The following NUP188 variants were observed in gnomAD, a reference collection of about 807,000 sequenced individuals.
The protein encoded by NUP188 is nucleoporin NUP188.
In NUP188, 97 loss-of-function variants were observed where a neutral mutation model predicts 223.0. The observed-to-expected ratio is 0.43, with a 90% CI of 0.37 to 0.51. The LOEUF (loss-of-function observed/expected upper bound fraction) is 0.51, where lower values mean the gene tolerates loss of function less well. Ranked by LOEUF, NUP188 falls within the 20% of genes least tolerant of loss-of-function variation. NUP188 has a pLI of 0.00. For synonymous variants in NUP188, 869 were observed against 828.0 expected, an observed-to-expected ratio of 1.05 and a Z score of -0.85; for missense variants, 1,947 against 2,175.6, an observed-to-expected ratio of 0.89 and a Z score of 2.09.
At chr9:128,964,648 C>T (rs1842002861) in intron 8 of NUP188, among the ~76,000 whole-genome samples, 1 of 150,982 alleles carries the variant, frequency 6.6e-6, no homozygotes, top group Non-Finnish European at 1.5e-5. Flanking sequence ...GCTGGGATGA[C>T]AGGCATGAGC....
Position 128,988,753 on chromosome 9 carries a change from G to C in NUP188, c.2533+567G>C, listed in dbSNP as rs529358911. ...TTTTTTTTTTTTTTTTTTTGAGACA[G>C]TCTAGCTCTGTTGCCCAGGCTGGAG... On this transcript the variant is annotated intron_variant, in intron 24 of 43. Transcript: ENST00000372577. Among the ~76,000 whole-genome samples, 68 of 93,742 alleles carry C rather than the reference G, an allele frequency of 7.3e-4. 1 individual carries two copies. In the Admixed American group the frequency reaches 0.011, roughly 15 times the overall value. 61.5% of individuals were successfully genotyped at this position (93,742 alleles called of 152,430 possible).
At chr9:128,951,368 ACTCAGGAGGCTGTGGT>A (rs1841782837) in intron 2 of NUP188, among the ~76,000 whole-genome samples, 1 of 150,548 alleles carries the variant, frequency 6.6e-6, no homozygotes, top group South Asian at 2.1e-4. Flanking sequence ...AGTTCCAGCT[ACTCAGGAGGCTGTGGT>A]GGAAAGATCG....
In NUP188 at chr9:128,981,182, G is replaced by A. The variant is rs976984322; in HGVS notation, c.1390-82G>A. Reference sequence around the variant, plus strand: ...TGGTGGGCTTGCAAGAAGTTTGAGAGTCTGGTTGAAAGAGCAGACTGTGGG... The same window carrying A: ...TGGTGGGCTTGCAAGAAGTTTGAGAATCTGGTTGAAAGAGCAGACTGTGGG... On this transcript the variant is annotated intron_variant, in intron 14 of 43. Coordinates refer to ENST00000372577, the MANE Select transcript of NUP188 (RefSeq NM_015354.3). 3.3e-6 allele frequency: 5 copies of A among 1,523,590 alleles called. No homozygotes were observed. The Admixed American group carries it at 6.0e-5, about 18-fold the overall frequency. 94.4% of individuals were successfully genotyped at this position (1,523,590 alleles called of 1,614,324 possible). A position where few individuals can be genotyped will look rare whatever the true frequency, so the allele number is the denominator to read the frequency against.
rs986405014 is a variant in NUP188, at chr9:128,994,230, A to G, written c.3018-143A>G. ...TTTTATCTATGGAAACCTTTCATTTATACGGGAACAACTGACTTATCAGAC... is the reference window on the plus strand; with the variant it reads ...TTTTATCTATGGAAACCTTTCATTTGTACGGGAACAACTGACTTATCAGAC... On this transcript the variant is annotated intron_variant, in intron 27 of 43. Transcript: ENST00000372577. 3 of 651,304 alleles carry G rather than the reference A, an allele frequency of 4.6e-6. No homozygotes were observed. In the Admixed American group the frequency reaches 7.9e-5, roughly 17 times the overall value. The allele number at this position is 651,304 out of a possible 1,614,324, so 40.3% of individuals were successfully genotyped here. A position where few individuals can be genotyped will look rare whatever the true frequency, so the allele number is the denominator to read the frequency against.
At chr9:128,970,233 A>T (rs1183602626) in intron 10 of NUP188, among the ~76,000 whole-genome samples, 1 of 152,146 alleles carries the variant, frequency 6.6e-6, no homozygotes, top group African/African-American at 2.4e-5. Context: ...CGGCCTCTAC[A>T]ATGTTAAACA....
intron 22 of NUP188, 76 bp downstream of exon 22, chr9:128,986,951 A>T (rs1295662398): frequency 7.6e-7 from 1 of 1,321,426 alleles, no homozygotes; most frequent in Non-Finnish European, 1.1e-6. Context: ...AAGCCGTCTC[A>T]GTTCTTCCAG....
intron 12 of NUP188, among the ~76,000 whole-genome samples, chr9:128,974,978 C>T (rs1246486619): frequency 1.3e-5 from 2 of 151,774 alleles, no homozygotes; most frequent in African/African-American, 4.8e-5. Context: ...CCAGGCTGGT[C>T]CCGAACTCCT....
chr9:128,987,131 G>A (rs975317784), intron 22 of NUP188, among the ~76,000 whole-genome samples: 3 of 142,362 alleles, frequency 2.1e-5, no homozygotes, highest in South Asian at 2.3e-4. Context: ...GTGTGTGTGT[G>A]TATGTGTATA....
chr9:128,984,886 A>C lies in NUP188; in HGVS notation c.1962-14A>C. 6.4e-7 allele frequency: 1 copy of C among 1,555,066 alleles called. No individual in the cohort carries two copies. The highest frequency in any genetic ancestry group is 8.8e-7 in the Non-Finnish European group (1 of 1,142,108). ...TTTCCCTATCATTTTTTTTCCCTCT[A>C]CTTCTTTTTCCAGTGCGGAAGGGAT... is the stretch of plus-strand genomic sequence containing the variant. On this transcript the variant is annotated splice_polypyrimidine_tract_variant and intron_variant, in intron 19 of 43. Coordinates refer to ENST00000372577, the MANE Select transcript of NUP188 (RefSeq NM_015354.3).
intron 3 of NUP188, among the ~76,000 whole-genome samples, chr9:128,955,576 A>C (rs1339141177): frequency 6.6e-6 from 1 of 152,120 alleles, no homozygotes; most frequent in Non-Finnish European, 1.5e-5. Context: ...AGCTTTGGCT[A>C]TTGGGCATTC....
At chr9:129,002,665 G>T in intron 36 of NUP188, 152 bp from the exon 37 acceptor site, 1 of 741,798 alleles carries the variant, frequency 1.3e-6, no homozygotes, top group Non-Finnish European at 2.1e-6. Flanking sequence ...GCTGGTGTTG[G>T]CCCCTTTCTG....
rs1462643031 is a variant in NUP188, at chr9:128,995,479, G to A, written c.3316G>A (p.Ala1106Thr). 23 of 1,606,942 alleles carry A rather than the reference G, an allele frequency of 1.4e-5. No individual in the cohort carries two copies. The highest frequency in any genetic ancestry group is 4.5e-5 in the East Asian group (2 of 44,834). Residue 1106 changes from alanine (A) to threonine (T), a missense_variant, in exon 30 of 44, where the codon GCC (alanine) becomes ACC (threonine). Transcript: ENST00000372577. ...GTTAGAGTACCAGATGCTGGTGTCC[G>A]CCTGGAGGATGCTTCTCATCATTGC... ...SLLEYQMLVSAWRMLLIIATT... is the reference protein window; with the variant it reads ...SLLEYQMLVSTWRMLLIIATT...
chr9:128,976,067 C>T (rs1430880339), intron 12 of NUP188, among the ~76,000 whole-genome samples: 1 of 152,154 alleles, frequency 6.6e-6, no homozygotes, highest in Non-Finnish European at 1.5e-5. Flanking sequence ...AAGTGATCTG[C>T]CTGCCTTGGC....
intron 8 of NUP188, among the ~76,000 whole-genome samples, chr9:128,966,226 T>G (rs1353757689): frequency 1.3e-5 from 2 of 148,932 alleles, no homozygotes; most frequent in Non-Finnish European, 3.0e-5. Flanking sequence ...TTCTCCCTTT[T>G]TAAATGGATT....
chr9:128,999,710 C>T lies in NUP188; in HGVS notation c.3748C>T (p.Arg1250Cys), dbSNP rs143565564. Reference protein sequence around the residue: ...EEVIALFDQTRHSLALGSATE... With the variant: ...EEVIALFDQTCHSLALGSATE... ...AGTGATTGCACTCTTCGACCAGACC[C>T]GCCACAGTCTGGCATTAGGCAGTGC... is the stretch of plus-strand genomic sequence containing the variant. Residue 1250 changes from arginine (R) to cysteine (C), a missense_variant, in exon 34 of 44, where the codon CGC (arginine) becomes TGC (cysteine). By Grantham distance (180) the Arg-to-Cys change is radical (BLOSUM62 -3). This residue lies in a region of NUP188 where 905 missense variants were observed against 990.6 expected (regional missense o/e 0.91). Transcript: ENST00000372577. 97 of 1,613,946 alleles carry T rather than the reference C, an allele frequency of 6.0e-5. No homozygotes were observed. Among genetic ancestry groups the T allele is most frequent in the Non-Finnish European group, 7.0e-5 (83 of 1,179,962 alleles).
intron 36 of NUP188, 23 bp downstream of exon 36, chr9:129,001,999 G>C: frequency 6.2e-7 from 1 of 1,600,336 alleles, no homozygotes. Context: ...AGCTTGCCAG[G>C]AGGCCCAGCC....
At chr9:128,987,197 G>A (rs886935628) in intron 22 of NUP188, among the ~76,000 whole-genome samples, 2 of 151,082 alleles carry the variant, frequency 1.3e-5, no homozygotes, top group African/African-American at 2.4e-5. Context: ...CATTCCTGAC[G>A]AGACACTCTT....
Position 129,005,691 on chromosome 9 carries a change from C to A in NUP188, c.4784C>A (p.Thr1595Asn). 6.2e-7 allele frequency: 1 copy of A among 1,614,128 alleles called. No individual in the cohort carries two copies. The highest frequency in any genetic ancestry group is 8.5e-7 in the Non-Finnish European group (1 of 1,179,998). The change falls in exon 41 of 44, where the codon ACC becomes AAC. Residue 1595 changes from threonine (T) to asparagine (N), a missense_variant. Thr to Asn is a moderately conservative substitution (Grantham distance 65, BLOSUM62 0). Around this residue, in one of 3 missense-constraint regions of NUP188, gnomAD observed 905 missense variants for 990.6 expected, o/e 0.91. Transcript: ENST00000372577. ...EYNFLFALSF[T>N]TPTFDSEVAP... ...AACTTCCTGTTTGCCCTGAGCTTTA[C>A]CACTCCCACCTTTGACTCCGAAGTG...
chr9:128,998,858 T>C (rs1191208695), intron 32 of NUP188, among the ~76,000 whole-genome samples: 3 of 146,288 alleles, frequency 2.1e-5, no homozygotes, highest in African/African-American at 7.5e-5. Context: ...CCCGTATTCT[T>C]TTTTTTTTTT....
Sources: allele counts gnomAD v4.1 joint callset (sites outside exome capture counted in the v4.1 genomes callset), GRCh38; gene constraint gnomAD v4.1.1; regional missense constraint gnomAD v4.1.1; transcripts MANE v1.5; gene names NCBI Gene and HGNC (gene_info 2026-07-23, HGNC 2026-07-21).